The following ARHGEF37 variants were observed in gnomAD, a reference collection of about 807,000 sequenced individuals.
ARHGEF37 encodes Rho guanine nucleotide exchange factor 37.
ARHGEF37 carries 55 observed loss-of-function variants against 71.1 expected under a neutral mutation model. The observed-to-expected ratio is 0.77, with a 90% CI of 0.62 to 0.97. The LOEUF is 0.97. Among genes scored for constraint, ARHGEF37 ranks in the 50% least tolerant of loss-of-function variants. The pLI is 0.00. For synonymous variants in ARHGEF37, 327 were observed against 350.6 expected (o/e 0.93, Z 0.75); for missense variants, 765 against 836.8 (o/e 0.91, Z 1.06).
At chr5:149,620,821 C>G (rs1580931188) in intron 8 of ARHGEF37, among the ~76,000 whole-genome samples, 1 of 69,660 alleles carries the variant, frequency 1.4e-5, no homozygotes, top group South Asian at 6.2e-4. Flanking sequence ...CAGAGTGAGA[C>G]TCCTTCTCAA....
intron 1 of ARHGEF37, among the ~76,000 whole-genome samples, chr5:149,565,590 G>C (rs910903961): frequency 6.6e-6 from 1 of 152,166 alleles, no homozygotes; most frequent in African/African-American, 2.4e-5. Context: ...TAGCCATGAG[G>C]CATGTCTCTA....
At chr5:149,623,982 G>C (rs776791087) in intron 9 of ARHGEF37, 30 bp from the exon 10 acceptor site, 1 of 1,575,354 alleles carries the variant, frequency 6.3e-7, no homozygotes, top group Non-Finnish European at 8.7e-7. Context: ...CTCTTGCCCA[G>C]CTCTGTTGAC....
chr5:149,626,744 C>T (rs544579412), intron 10 of ARHGEF37, among the ~76,000 whole-genome samples: 1 of 152,356 alleles, frequency 6.6e-6, no homozygotes, highest in East Asian at 1.9e-4. Flanking sequence ...AAAGACCTGT[C>T]CAGGGCATTC....
intron 1 of ARHGEF37, among the ~76,000 whole-genome samples, chr5:149,567,809 A>G (rs1489352226): frequency 6.6e-6 from 1 of 151,752 alleles, no homozygotes; most frequent in Non-Finnish European, 1.5e-5. Context: ...TACTTTCTCT[A>G]CCTTAGCCAT....
intron 3 of ARHGEF37, chr5:149,606,562 T>G (rs1763918716): frequency 6.6e-6 from 1 of 152,210 alleles, no homozygotes; most frequent in East Asian, 1.9e-4. Context: ...GTTAATATAT[T>G]TTTCTTCACC....
chr5:149,582,808 A>C (rs1763139189), intron 1 of ARHGEF37, among the ~76,000 whole-genome samples: 1 of 152,214 alleles, frequency 6.6e-6, no homozygotes, highest in Non-Finnish European at 1.5e-5. Context: ...TAATTAAAAA[A>C]AAAAGTGATG....
intron 3 of ARHGEF37, among the ~76,000 whole-genome samples, chr5:149,602,186 A>G (rs1763777959): frequency 6.6e-6 from 1 of 151,578 alleles, no homozygotes; most frequent in Admixed American, 6.6e-5. Flanking sequence ...CCTCCCGAGT[A>G]GCTGAGACTA....
At chr5:149,562,768 G>A (rs902791721) in intron 1 of ARHGEF37, among the ~76,000 whole-genome samples, 13 of 152,136 alleles carry the variant, frequency 8.5e-5, no homozygotes, top group Non-Finnish European at 1.3e-4. Context: ...TTTTTGAGAA[G>A]GATTCCTTAC....
chr5:149,625,317 G>T (rs947624457), intron 10 of ARHGEF37, among the ~76,000 whole-genome samples: 2 of 152,220 alleles, frequency 1.3e-5, no homozygotes, highest in African/African-American at 4.8e-5. Flanking sequence ...AACTGAAGCA[G>T]CTGTAGGGAG....
At chr5:149,587,774 G>C (rs1023407529) in intron 1 of ARHGEF37, among the ~76,000 whole-genome samples, 5 of 152,036 alleles carry the variant, frequency 3.3e-5, no homozygotes, top group Non-Finnish European at 5.9e-5. Flanking sequence ...TTAGAGTTCT[G>C]GAAGCTCTTT....
chr5:149,622,370 T>C (rs1026755744), intron 9 of ARHGEF37, among the ~76,000 whole-genome samples: 1 of 152,198 alleles, frequency 6.6e-6, no homozygotes, highest in African/African-American at 2.4e-5. Context: ...CTCTGGAGTG[T>C]ACTAGAAGTT....
intron 1 of ARHGEF37, among the ~76,000 whole-genome samples, chr5:149,593,432 T>C (rs1763464971): frequency 1.3e-5 from 2 of 152,218 alleles, no homozygotes; most frequent in Non-Finnish European, 2.9e-5. Flanking sequence ...TATGTGACCC[T>C]TTGTGATTGC....
chr5:149,627,292 C>G (rs1185671681), intron 11 of ARHGEF37, 21 bp downstream of exon 11: 1 of 1,603,928 alleles, frequency 6.2e-7, no homozygotes, highest in African/African-American at 1.3e-5. Context: ...CTTTGGGAGC[C>G]CTTCTTCTCC....
chr5:149,588,793 C>T (rs1763313173), intron 1 of ARHGEF37, among the ~76,000 whole-genome samples: 1 of 152,118 alleles, frequency 6.6e-6, no homozygotes, highest in Admixed American at 6.5e-5. Flanking sequence ...AAAATGGCTC[C>T]CCTTTAAAGC....
intron 4 of ARHGEF37, among the ~76,000 whole-genome samples, chr5:149,612,933 C>G (rs1255851980): frequency 6.6e-6 from 1 of 152,256 alleles, no homozygotes; most frequent in East Asian, 1.9e-4. Context: ...TTTAAGGCAA[C>G]TCTTCCCATC....
intron 1 of ARHGEF37, among the ~76,000 whole-genome samples, chr5:149,583,223 G>A (rs993500207): frequency 4.1e-4 from 63 of 152,272 alleles, no homozygotes; most frequent in African/African-American, 1.3e-3. Flanking sequence ...TGCAACCTCC[G>A]CCTCCCGGGT....
intron 7 of ARHGEF37, among the ~76,000 whole-genome samples, chr5:149,619,309 C>G (rs1752468434): frequency 6.6e-6 from 1 of 152,146 alleles, no homozygotes; most frequent in African/African-American, 2.4e-5. Flanking sequence ...GCAACTCTGC[C>G]AGACCAGCAC....
rs1487704930 is a variant in ARHGEF37 at position 149,621,966 on chromosome 5, C to T, written c.1239C>T (p.Val413=). Residue 413 remains valine, a synonymous_variant, in exon 9 of 13, where the codon GTC becomes GTT. Transcript: ENST00000333677. ...AGCTCCCACAGTTTAACCAGCTGGT[C>T]ATGCAGTGGCTGGGCCAGATCATGT... ...VAELPQFNQL[V]MQWLGQIMCT... 2 of 1,614,232 alleles carry T rather than the reference C, an allele frequency of 1.2e-6. No homozygotes were observed. The highest frequency in any genetic ancestry group is 3.3e-4 in the Middle Eastern group (2 of 6,062).
chr5:149,558,905 A>G (rs559335963), intron 1 of ARHGEF37, among the ~76,000 whole-genome samples: 103 of 152,224 alleles, frequency 6.8e-4, no homozygotes, highest in African/African-American at 2.4e-3. Flanking sequence ...TTCTATGCAT[A>G]TGTATATATG....
Sources: allele counts gnomAD v4.1 joint callset (sites outside exome capture counted in the v4.1 genomes callset), GRCh38; gene constraint gnomAD v4.1.1; transcripts MANE v1.5; gene names NCBI Gene and HGNC (gene_info 2026-07-23, HGNC 2026-07-21).